Variants in DTNA observed in about 807,000 individuals in gnomAD.
DTNA encodes dystrobrevin alpha.
In DTNA, 43 loss-of-function variants were observed where a neutral mutation model predicts 100.7. The observed-to-expected ratio is 0.43, with a 90% CI of 0.33 to 0.55. The LOEUF (loss-of-function observed/expected upper bound fraction) is 0.55, where lower values mean the gene tolerates loss of function less well. Ranked by LOEUF, DTNA falls within the 20% of genes least tolerant of loss-of-function variation. DTNA has a pLI of 0.04. For missense variants in DTNA, 798 were observed against 953.9 expected (o/e 0.84, Z 2.15); for synonymous variants, 349 against 347.9 (o/e 1.00, Z -0.04).
intron 1 of DTNA, among the ~76,000 whole-genome samples, chr18:34,515,999 A>T (rs1028202580): frequency 1.3e-5 from 2 of 152,112 alleles, no homozygotes; most frequent in African/African-American, 4.8e-5. Flanking sequence ...AAGGGTCAAG[A>T]CCTTTTAGCC....
chr18:34,746,634 C>T, intron 1 of DTNA, among the ~76,000 whole-genome samples: 1 of 152,164 alleles, frequency 6.6e-6, no homozygotes, highest in Middle Eastern at 3.2e-3. Context: ...ATGATAGTCT[C>T]CCCACAGGGA....
At position 34,877,827 on chromosome 18, in the gene DTNA, C is replaced by T; in HGVS notation, c.1993+19C>T. The stretch of plus-strand genomic sequence containing the variant: ...AATTCTGGTGAGTTCCTGATTCCCT[C>T]TCATTTGTCTGCTCATCATGGAGGG... On this transcript the variant is annotated intron_variant, in intron 19 of 22. Coordinates refer to ENST00000444659, the MANE Select transcript of DTNA (RefSeq NM_001386795.1). 6.2e-7 allele frequency: 1 copy of T among 1,603,594 alleles called. No homozygotes were observed. Among genetic ancestry groups the T allele is most frequent in the Non-Finnish European group, 8.5e-7 (1 of 1,170,620 alleles).
chr18:34,582,869 A>G (rs2048773284), intron 1 of DTNA, among the ~76,000 whole-genome samples: 1 of 152,194 alleles, frequency 6.6e-6, no homozygotes, highest in Non-Finnish European at 1.5e-5. Context: ...AAATAACAAA[A>G]TATACAAATG....
intron 1 of DTNA, among the ~76,000 whole-genome samples, chr18:34,685,538 G>A (rs1398457474): frequency 6.6e-6 from 1 of 152,170 alleles, no homozygotes; most frequent in Non-Finnish European, 1.5e-5. Flanking sequence ...CTTGGTTACT[G>A]TAGCCTTGTA....
chr18:34,558,602 T>G (rs533224162), intron 1 of DTNA, among the ~76,000 whole-genome samples: 1 of 152,028 alleles, frequency 6.6e-6, no homozygotes, highest in Non-Finnish European at 1.5e-5. Context: ...AAATAAAAAA[T>G]AAAGCCGTTG....
chr18:34,788,223 C>G (rs1433103348), intron 3 of DTNA, among the ~76,000 whole-genome samples: 1 of 152,302 alleles, frequency 6.6e-6, no homozygotes, highest in East Asian at 1.9e-4. Flanking sequence ...ATTTATACAA[C>G]TGTCAGACTT....
intron 15 of DTNA, 136 bp from the exon 16 acceptor site, chr18:34,858,149 G>A: frequency 1.3e-6 from 1 of 774,786 alleles, no homozygotes; most frequent in East Asian, 2.7e-5. Flanking sequence ...GAATCTGTTG[G>A]TTAGGGAAGG....
At chr18:34,684,294 C>G (rs1390014435) in intron 1 of DTNA, among the ~76,000 whole-genome samples, 1 of 151,102 alleles carries the variant, frequency 6.6e-6, no homozygotes, top group Admixed American at 6.6e-5. Context: ...GCTATCCCTC[C>G]CCTTGCCCCC....
chr18:34,755,155 C>T (rs570305579), intron 1 of DTNA, among the ~76,000 whole-genome samples: 15 of 152,302 alleles, frequency 9.8e-5, no homozygotes, highest in Non-Finnish European at 1.5e-5. Flanking sequence ...AATAAAAAGT[C>T]AAATCCGTCA....
intron 4 of DTNA, among the ~76,000 whole-genome samples, chr18:34,803,885 A>G (rs1040178772): frequency 6.6e-6 from 1 of 152,230 alleles, no homozygotes; most frequent in Non-Finnish European, 1.5e-5. Context: ...ATTACTAATC[A>G]TTTCTTAATA....
intron 1 of DTNA, among the ~76,000 whole-genome samples, chr18:34,552,718 T>C (rs2045573305): frequency 6.6e-6 from 1 of 151,814 alleles, no homozygotes; most frequent in Non-Finnish European, 1.5e-5. Context: ...CATCATTTTT[T>C]ATGGTTGCAT....
At chr18:34,831,082 C>T (rs1238373880) in intron 11 of DTNA, among the ~76,000 whole-genome samples, 1 of 152,130 alleles carries the variant, frequency 6.6e-6, no homozygotes, top group East Asian at 1.9e-4. Flanking sequence ...CATCATGCCT[C>T]CTTTTTAAAA....
At chr18:34,599,665 T>C (rs1280253716) in intron 1 of DTNA, among the ~76,000 whole-genome samples, 1 of 152,176 alleles carries the variant, frequency 6.6e-6, no homozygotes, top group East Asian at 1.9e-4. Context: ...TACCTGTTTT[T>C]GGTTGTCGTT....
At chr18:34,727,674 C>T (rs894399295) in intron 1 of DTNA, among the ~76,000 whole-genome samples, 1 of 152,112 alleles carries the variant, frequency 6.6e-6, no homozygotes, top group African/African-American at 2.4e-5. Context: ...AAGCGATTCT[C>T]CTGCCTCAGC....
chr18:34,620,454 G>T (rs1420499138), intron 1 of DTNA, among the ~76,000 whole-genome samples: 1 of 152,182 alleles, frequency 6.6e-6, no homozygotes, highest in African/African-American at 2.4e-5. Flanking sequence ...ACAGGTATTT[G>T]TGCGAAATAC....
intron 3 of DTNA, among the ~76,000 whole-genome samples, chr18:34,791,853 T>C (rs980020533): frequency 5.9e-5 from 9 of 152,202 alleles, no homozygotes; most frequent in Non-Finnish European, 1.2e-4. Flanking sequence ...TATGCATTTT[T>C]CCATTTTAGG....
chr18:34,753,441 GGCGGGAT>G (rs2092540240), intron 1 of DTNA, among the ~76,000 whole-genome samples: 1 of 140,702 alleles, frequency 7.1e-6, no homozygotes, highest in East Asian at 2.0e-4. Context: ...GGAGTGCAGT[GGCGGGAT>G]CTCGGCTCAC....
chr18:34,806,408 A>C, intron 5 of DTNA, 104 bp downstream of exon 5: 1 of 948,154 alleles, frequency 1.1e-6, no homozygotes. Flanking sequence ...ATCTTTCCTC[A>C]TTCTATGAGA....
intron 1 of DTNA, among the ~76,000 whole-genome samples, chr18:34,589,947 T>C (rs1416500160): frequency 1.6e-5 from 2 of 123,266 alleles, no homozygotes; most frequent in African/African-American, 7.6e-5. Context: ...GATCTCTTTT[T>C]TGGGGGCTGG....
Sources: gnomAD v4.1 joint callset for allele counts (sites outside exome capture counted in the v4.1 genomes callset) on GRCh38, gnomAD v4.1.1 for gene constraint, MANE v1.5 for transcripts, NCBI Gene and HGNC (gene_info 2026-07-23, HGNC 2026-07-21) for gene names.